GALNT17: variants seen among roughly 807,000 people sequenced by gnomAD.
GALNT17 encodes UDP-GalNAc:polypeptide N-acetylgalactosaminyltransferase-like 3.
In GALNT17, 29 loss-of-function variants were observed where a neutral mutation model predicts 63.7. The ratio of observed to expected loss-of-function variants is 0.46; its 90% CI spans 0.34 to 0.62. GALNT17 has a LOEUF of 0.62. Among genes scored for constraint, GALNT17 ranks in the 20% least tolerant of loss-of-function variants. GALNT17 has a pLI of 0.01. For missense variants in GALNT17, 603 were observed against 799.6 expected, an observed-to-expected ratio of 0.75 and a Z score of 2.97; for synonymous variants, 305 against 318.3, an observed-to-expected ratio of 0.96 and a Z score of 0.45.
chr7:71,344,628 G>A (rs1168434740), intron 2 of GALNT17, among the ~76,000 whole-genome samples: 1 of 152,126 alleles, frequency 6.6e-6, no homozygotes, highest in Admixed American at 6.5e-5. Flanking sequence ...GCTGGTAGCA[G>A]GATGGCTAAA....
intron 1 of GALNT17, among the ~76,000 whole-genome samples, chr7:71,185,525 T>TC (rs1788833566): frequency 3.4e-5 from 5 of 146,048 alleles, no homozygotes; most frequent in Admixed American, 3.4e-4. Flanking sequence ...TTCTTTTCTT[T>TC]TTTTTTTTTT....
At chr7:71,475,200 T>C (rs1044653661) in intron 5 of GALNT17, among the ~76,000 whole-genome samples, 4 of 152,196 alleles carry the variant, frequency 2.6e-5, no homozygotes, top group Admixed American at 2.6e-4. Context: ...TCATGGAAGA[T>C]AGTTTTTCCA....
rs909423181 is a variant in GALNT17, at chr7:71,585,174, G to A, written c.1080+13772G>A. Among the ~76,000 whole-genome samples, 4 of 151,942 alleles carry A rather than the reference G, an allele frequency of 2.6e-5. No individual in the cohort carries two copies. The East Asian group carries it at 7.7e-4, about 29-fold the overall frequency. ...TTTCTTTTTGGCAAGAACACTTTAA[G>A]CTCTGCTATGAACTTCCTAGTGCTG... is the stretch of plus-strand genomic sequence containing the variant. On this transcript the variant is annotated intron_variant, in intron 6 of 10. Coordinates refer to ENST00000333538, the MANE Select transcript of GALNT17 (RefSeq NM_022479.3).
chr7:71,541,779 A>G (rs1788897275), intron 5 of GALNT17, among the ~76,000 whole-genome samples: 1 of 152,172 alleles, frequency 6.6e-6, no homozygotes, highest in African/African-American at 2.4e-5. Flanking sequence ...AACCCGATGC[A>G]ATCAAGTTGC....
At chr7:71,372,812 C>T (rs7792469) in intron 2 of GALNT17, among the ~76,000 whole-genome samples, 54,555 of 151,982 alleles carry the variant, frequency 0.36, 10,782 homozygotes, top group Non-Finnish European at 0.45. Flanking sequence ...TAGCATACAA[C>T]GATGCTTTGG....
At chr7:71,498,400 C>G (rs1000821501) in intron 5 of GALNT17, among the ~76,000 whole-genome samples, 2 of 151,978 alleles carry the variant, frequency 1.3e-5, no homozygotes, top group African/African-American at 4.8e-5. Context: ...TCACTTGAGC[C>G]TGGTGGAGGT....
chr7:71,566,997 G>A lies in GALNT17; in HGVS notation c.963-4288G>A, dbSNP rs1177003495. 5.3e-5 allele frequency among the ~76,000 whole-genome samples: 8 copies of A among 152,150 alleles called. No homozygotes were observed. The East Asian group carries it at 5.8e-4, about 11-fold the overall frequency. ...CGGTGGCGGCCTGAGCCCTGAACGC[G>A]TGTGAGCCTATTGAGTTCTAGCTCC... On this transcript the variant is annotated intron_variant, in intron 5 of 10. Transcript: ENST00000333538.
At chr7:71,237,240 G>C (rs979504349) in intron 1 of GALNT17, among the ~76,000 whole-genome samples, 1 of 152,138 alleles carries the variant, frequency 6.6e-6, no homozygotes, top group Non-Finnish European at 1.5e-5. Flanking sequence ...AAGTTCGGGG[G>C]AGTAGCTGAC....
At chr7:71,160,011 C>G (rs1361891842) in intron 1 of GALNT17, among the ~76,000 whole-genome samples, 2 of 152,110 alleles carry the variant, frequency 1.3e-5, no homozygotes, top group African/African-American at 2.4e-5. Flanking sequence ...TCTCGAACTC[C>G]TGACCTCAGG....
intron 2 of GALNT17, among the ~76,000 whole-genome samples, chr7:71,358,010 A>AC (rs1158399663): frequency 6.6e-6 from 1 of 152,096 alleles, no homozygotes; most frequent in Non-Finnish European, 1.5e-5. Context: ...AAAGCTGGCC[A>AC]CCCCAGCCAG....
chr7:71,683,781 G>A (rs1047357312), intron 9 of GALNT17, among the ~76,000 whole-genome samples: 1 of 152,148 alleles, frequency 6.6e-6, no homozygotes, highest in Non-Finnish European at 1.5e-5. Context: ...GCCAAGGCGG[G>A]TGGATCACTT....
intron 1 of GALNT17, among the ~76,000 whole-genome samples, chr7:71,286,243 A>G (rs564062716): frequency 6.6e-6 from 1 of 152,216 alleles, no homozygotes; most frequent in African/African-American, 2.4e-5. Context: ...CTTCACAGTA[A>G]ATCTTGCTCT....
rs1159902249 is a variant in GALNT17 at position 71,193,454 on chromosome 7, CTT to C, written c.238+60433_238+60434del. On this transcript the variant is annotated intron_variant, in intron 1 of 10. Coordinates refer to ENST00000333538, the MANE Select transcript of GALNT17 (RefSeq NM_022479.3). ...AGATTTTACACTGATACGCTTTTGT[CTT>C]TTTTTTTTTTTTTTTTTTGGTGTAA... Among the ~76,000 whole-genome samples, 285 of 107,304 alleles carry C rather than the reference CTT, an allele frequency of 2.7e-3. 2 individuals carry two copies. The highest frequency in any genetic ancestry group is 0.012 in the Middle Eastern group (2 of 162). 70.4% of individuals were successfully genotyped at this position (107,304 alleles called of 152,430 possible).
chr7:71,585,822 C>T (rs112596587), intron 6 of GALNT17, among the ~76,000 whole-genome samples: 2,797 of 152,110 alleles, frequency 0.018, 90 homozygotes, highest in African/African-American at 0.064. Context: ...TGACATTGGA[C>T]ATTTCTGTTG....
intron 2 of GALNT17, among the ~76,000 whole-genome samples, chr7:71,371,513 T>G (rs1224205629): frequency 6.6e-6 from 1 of 152,220 alleles, no homozygotes; most frequent in Non-Finnish European, 1.5e-5. Context: ...GAGTTTTCAT[T>G]ATTTGAATAG....
intron 1 of GALNT17, among the ~76,000 whole-genome samples, chr7:71,318,247 C>G (rs1168616101): frequency 1.3e-5 from 2 of 152,112 alleles, no homozygotes; most frequent in Admixed American, 1.3e-4. Flanking sequence ...ATTTTTTCAT[C>G]TGCATGGGTC....
chr7:71,299,611 A>C (rs749143899), intron 1 of GALNT17, among the ~76,000 whole-genome samples: 20 of 151,714 alleles, frequency 1.3e-4, no homozygotes, highest in Admixed American at 6.6e-5. Flanking sequence ...CCCTCGTGGG[A>C]TGTATAGACA....
At chr7:71,521,904 G>A (rs1160561761) in intron 5 of GALNT17, among the ~76,000 whole-genome samples, 2 of 152,182 alleles carry the variant, frequency 1.3e-5, no homozygotes, top group Non-Finnish European at 2.9e-5. Context: ...TTCCCCTAAA[G>A]TTTTGGTTCT....
chr7:71,482,859 C>T (rs1015163685), intron 5 of GALNT17, among the ~76,000 whole-genome samples: 2 of 152,078 alleles, frequency 1.3e-5, no homozygotes, highest in Non-Finnish European at 2.9e-5. Flanking sequence ...AGCATGCACC[C>T]TAGATCCTGC....
Sources: gnomAD v4.1 joint callset for allele counts (sites outside exome capture counted in the v4.1 genomes callset) on GRCh38, gnomAD v4.1.1 for gene constraint, MANE v1.5 for transcripts, NCBI Gene and HGNC (gene_info 2026-07-23, HGNC 2026-07-21) for gene names.